The following NEDD9 variants were observed in gnomAD, a reference collection of about 807,000 sequenced individuals.
NEDD9 encodes enhancer of filamentation 1.
NEDD9 carries 26 observed loss-of-function variants against 76.6 expected under a neutral mutation model. The observed-to-expected ratio is 0.34, with a 90% CI of 0.25 to 0.47. The LOEUF is 0.47. Ranked by LOEUF, NEDD9 falls within the 20% of genes least tolerant of loss-of-function variation. The probability of loss-of-function intolerance (pLI) is 1.00; values close to 1 mark genes in which losing one functional copy is unlikely to be tolerated. For missense variants in NEDD9, 937 were observed against 1,058.5 expected (o/e 0.89, Z 1.59); for synonymous variants, 392 against 414.2 (o/e 0.95, Z 0.65).
Position 11,213,198 on chromosome 6 carries a change from A to C in NEDD9, c.459+83T>G. Reference sequence around the variant, plus strand: ...ACTTCTTGGCAGCTTCAAGTTATTAATTTGGGAACATTTCCAAATGCTCCA... The same window carrying C: ...ACTTCTTGGCAGCTTCAAGTTATTACTTTGGGAACATTTCCAAATGCTCCA... On this transcript the variant is annotated intron_variant, in intron 2 of 6. Coordinates refer to ENST00000379446, the MANE Select transcript of NEDD9 (RefSeq NM_006403.4). The surrounding 1 kb of genome is among the most constrained non-coding windows in gnomAD (Gnocchi z 5.4). 1 of 1,285,054 alleles carries C rather than the reference A, an allele frequency of 7.8e-7. No homozygotes were observed. The highest frequency in any genetic ancestry group is 2.4e-5 in the East Asian group (1 of 41,504). The allele number at this position is 1,285,054 out of a possible 1,614,324, so 79.6% of individuals were successfully genotyped here. A position where few individuals can be genotyped will look rare whatever the true frequency, so the allele number is the denominator to read the frequency against.
intron 3 of NEDD9, among the ~76,000 whole-genome samples, chr6:11,277,520 G>GCCC (rs1300733819): frequency 6.6e-6 from 1 of 152,154 alleles, no homozygotes; most frequent in Non-Finnish European, 1.5e-5. Context: ...ACAGGCATGG[G>GCCC]CAGGGGGTGG....
At chr6:11,382,348 T>C (rs998023631), upstream of NEDD9, 2 of 152,240 alleles carry the variant, frequency 1.3e-5, no homozygotes, top group African/African-American at 4.8e-5. Flanking sequence ...TATGTATGTG[T>C]GTGTTTTTCC....
At position 11,190,512 on chromosome 6, in the gene NEDD9, C is replaced by G. The variant is rs1758109482; in HGVS notation, c.1357G>C (p.Asp453His). ...RHINEIRTAV[D>H]KVELFLKEYL... ...TCCTTCAGGAACAGCTCCACCTTGT[C>G]CACTGCTGTGCGTATTTCATTGATG... is the stretch of plus-strand genomic sequence containing the variant. The change falls in exon 5 of 7, where the codon GAC becomes CAC. Residue 453 changes from aspartate to histidine, a missense_variant. Coordinates refer to ENST00000379446, the MANE Select transcript of NEDD9 (RefSeq NM_006403.4). The surrounding 1 kb of genome is among the most constrained non-coding windows in gnomAD (Gnocchi z 5.8). 2.5e-6 allele frequency: 4 copies of G among 1,614,104 alleles called. No individual in the cohort carries two copies. The highest frequency in any genetic ancestry group is 3.4e-6 in the Non-Finnish European group (4 of 1,180,052).
At chr6:11,328,654 A>G (rs918070845) in intron 2 of NEDD9, 1 of 152,262 alleles carries the variant, frequency 6.6e-6, no homozygotes, top group Non-Finnish European at 1.5e-5. Context: ...CTTGAGCTAA[A>G]GCTAAAGGCC....
chr6:11,262,637 ATAGGGTTCT>A (rs1760136052), intron 3 of NEDD9, among the ~76,000 whole-genome samples: 1 of 152,236 alleles, frequency 6.6e-6, no homozygotes, highest in African/African-American at 2.4e-5. Context: ...CTATCCCAGA[ATAGGGTTCT>A]TAGAGAAAAG....
intron 1 of NEDD9, among the ~76,000 whole-genome samples, chr6:11,340,141 C>T (rs1762244377): frequency 6.6e-6 from 1 of 152,206 alleles, no homozygotes; most frequent in Admixed American, 6.5e-5. Flanking sequence ...TCTCCTCAGC[C>T]TGAATGAATA....
intron 1 of NEDD9, among the ~76,000 whole-genome samples, chr6:11,343,853 T>C (rs1170822692): frequency 6.6e-6 from 1 of 152,196 alleles, no homozygotes; most frequent in African/African-American, 2.4e-5. Flanking sequence ...TAAAAGGGTA[T>C]TAAACATAGA....
intron 3 of NEDD9, among the ~76,000 whole-genome samples, chr6:11,282,699 T>C (rs1460920619): frequency 3.3e-5 from 5 of 152,196 alleles, no homozygotes; most frequent in African/African-American, 1.2e-4. Context: ...ATATCACATA[T>C]CTGTTTCTTG....
At chr6:11,216,707 C>T (rs776868874) in intron 1 of NEDD9, among the ~76,000 whole-genome samples, 10 of 152,178 alleles carry the variant, frequency 6.6e-5, no homozygotes, top group Non-Finnish European at 1.3e-4. Context: ...CTTAGTTTCC[C>T]GGTCTTTGGT....
At chr6:11,231,088 A>G (rs1581973030) in intron 1 of NEDD9, among the ~76,000 whole-genome samples, 1 of 152,208 alleles carries the variant, frequency 6.6e-6, no homozygotes, top group East Asian at 1.9e-4. Context: ...ATCTGGTCCT[A>G]TCATTGTTCT....
intron 3 of NEDD9, among the ~76,000 whole-genome samples, chr6:11,250,250 A>G (rs1759892367): frequency 6.6e-6 from 1 of 152,182 alleles, no homozygotes; most frequent in Non-Finnish European, 1.5e-5. Context: ...ATTTTGTGAG[A>G]TGCTGGCCCT....
At chr6:11,203,845 TC>T (rs1404407704) in intron 2 of NEDD9, among the ~76,000 whole-genome samples, 2 of 152,130 alleles carry the variant, frequency 1.3e-5, no homozygotes, top group African/African-American at 4.8e-5. Flanking sequence ...TTGGCATAGC[TC>T]TGTCTTCCAA....
intron 2 of NEDD9, among the ~76,000 whole-genome samples, chr6:11,210,766 G>GGA (rs147934321): frequency 0.047 from 5,723 of 121,766 alleles, 371 homozygotes; most frequent in African/African-American, 0.14. Flanking sequence ...AGGGATGGGG[G>GGA]GAGAGAGAGA....
At chr6:11,297,012 A>G (rs1214463276) in intron 3 of NEDD9, among the ~76,000 whole-genome samples, 1 of 152,216 alleles carries the variant, frequency 6.6e-6, no homozygotes, top group Non-Finnish European at 1.5e-5. Flanking sequence ...TATAGGCGTG[A>G]GCCACCACGC....
At position 11,193,593 on chromosome 6, in the gene NEDD9, C is replaced by T. The variant is rs780010908; in HGVS notation, c.559G>A (p.Gly187Arg). 6.2e-7 allele frequency: 1 copy of T among 1,610,882 alleles called. No homozygotes were observed. ...YDIPPSHTTQ[G>R]VYDIPPSSAK... ...TGTGACCATGTTCTGGTACGCACCC[C>T]TTGAGTGGTATGAGAAGGAGGGATA... Residue 187 changes from glycine (G) to arginine (R), a missense_variant and splice_region_variant, in exon 3 of 7, where the codon GGG (glycine) becomes AGG (arginine). Coordinates refer to ENST00000379446, the MANE Select transcript of NEDD9 (RefSeq NM_006403.4).
Position 11,213,586 on chromosome 6 carries a change from G to A in NEDD9, c.154C>T (p.Gln52Ter). The part of the protein sequence containing the change: ...GWWLCSLHGR[Q>*]GIVPGNRVKL... The stretch of plus-strand genomic sequence containing the variant: ...ACCCGGTTGCCTGGGACAATGCCTT[G>A]CCGACCGTGTAATGAGCACAGCCAC... The change falls in exon 2 of 7, where the codon CAA (glutamine) becomes TAA (stop). Residue 52 changes from glutamine to a stop codon, truncating the protein, a stop_gained. Transcript: ENST00000379446. LOFTEE classifies it high-confidence loss of function. The surrounding 1 kb of genome is among the most constrained non-coding windows in gnomAD (Gnocchi z 5.4). 6.2e-7 allele frequency: 1 copy of A among 1,614,170 alleles called. No homozygotes were observed. The highest frequency in any genetic ancestry group is 8.5e-7 in the Non-Finnish European group (1 of 1,180,032).
chr6:11,332,123 G>A (rs763027899), intron 2 of NEDD9, among the ~76,000 whole-genome samples: 6 of 152,200 alleles, frequency 3.9e-5, no homozygotes, highest in Non-Finnish European at 7.3e-5. Context: ...CATCATTTGA[G>A]GGTCTTTGTA....
intron 3 of NEDD9, among the ~76,000 whole-genome samples, chr6:11,291,267 GTTT>G (rs869185428): frequency 7.3e-5 from 7 of 95,812 alleles, no homozygotes; most frequent in East Asian, 3.3e-4. Context: ...ATAGAATGAG[GTTT>G]TTTTTTTTTT....
At chr6:11,368,412 G>A (rs1052267743) in intron 1 of NEDD9, among the ~76,000 whole-genome samples, 8 of 152,168 alleles carry the variant, frequency 5.3e-5, no homozygotes, top group Admixed American at 4.6e-4. Flanking sequence ...TCACACCGAA[G>A]TAACTACCAC....
Sources: allele counts gnomAD v4.1 joint callset (sites outside exome capture counted in the v4.1 genomes callset), GRCh38; gene constraint gnomAD v4.1.1; non-coding constraint Gnocchi (gnomAD v3.1); transcripts MANE v1.5; gene names NCBI Gene and HGNC (gene_info 2026-07-23, HGNC 2026-07-21).